TMC4: variants seen among roughly 807,000 people sequenced by gnomAD.
The protein encoded by TMC4 is voltage-gated chloride channel TMC4.
Under a neutral mutation model 82.0 loss-of-function variants are expected in TMC4, and 70 were observed. That is an observed-to-expected ratio of 0.85 (90% CI 0.70 to 1.04). The LOEUF (loss-of-function observed/expected upper bound fraction) is 1.04. TMC4 is among the 50% of genes least tolerant of loss of function. The pLI is 0.00. For synonymous variants in TMC4, 446 were observed against 406.0 expected, an observed-to-expected ratio of 1.10 and a Z score of -1.18; for missense variants, 879 against 899.0, an observed-to-expected ratio of 0.98 and a Z score of 0.28.
At chr19:54,164,882 C>A (rs2075662607) in intron 6 of TMC4, among the ~76,000 whole-genome samples, 1 of 151,974 alleles carries the variant, frequency 6.6e-6, no homozygotes, top group Non-Finnish European at 1.5e-5. Context: ...CCCAGCATCC[C>A]AAGACCCGCC....
rs770903211 is a variant in TMC4 at position 54,161,222 on chromosome 19, G to A, written c.1725C>T (p.Thr575=). ...LFSTCSPAAR[T]FRASAANFFF... ...AGAAATTCGCCGCGGAGGCCCGGAAGGTGCGGGCAGCCGGGGAGCAGGTGG... is the reference window on the plus strand; with the variant it reads ...AGAAATTCGCCGCGGAGGCCCGGAAAGTGCGGGCAGCCGGGGAGCAGGTGG... Residue 575 remains threonine (T), a synonymous_variant, in exon 12 of 15, where the codon ACC becomes ACT. Transcript: ENST00000619895. 3 of 1,577,976 alleles carry A rather than the reference G, an allele frequency of 1.9e-6. No homozygotes were observed. The South Asian group carries it at 3.5e-5, about 18-fold the overall frequency.
rs926359257 is a variant in TMC4, at chr19:54,163,803, C to G, written c.1198G>C (p.Val400Leu). Reference sequence around the variant, plus strand: ...ATGAGCTTGAACACGGGCGGCAGCACAAAATTGACCCCAGCGATGAAGATG... The same window carrying G: ...ATGAGCTTGAACACGGGCGGCAGCAGAAAATTGACCCCAGCGATGAAGATG... ...PSIFIAGVNF[V>L]LPPVFKLIAP... Residue 400 changes from valine (V) to leucine (L), a missense_variant, in exon 8 of 15, where the codon GTG becomes CTG. Val to Leu is a conservative substitution (Grantham distance 32). Transcript: ENST00000619895. The G allele has an allele frequency of 6.2e-7, 1 of 1,613,976 alleles. No homozygotes were observed. Among genetic ancestry groups the G allele is most frequent in the Non-Finnish European group, 8.5e-7 (1 of 1,180,012 alleles).
At chr19:54,168,890 TC>T (rs2075795935) in intron 3 of TMC4, among the ~76,000 whole-genome samples, 6 of 39,758 alleles carry the variant, frequency 1.5e-4, no homozygotes, top group Admixed American at 3.4e-4. Context: ...TTCTTTTCTT[TC>T]TTTCCTTTCT....
chr19:54,168,206 G>A lies in TMC4; in HGVS notation c.762C>T (p.Ala254=), dbSNP rs750653289. 1.4e-5 allele frequency: 23 copies of A among 1,599,816 alleles called. No homozygotes were observed. The African/African-American group carries it at 1.5e-4, about 10-fold the overall frequency. ...TGAGCAGGAGGCAGATGAGGCCAAC[G>A]GCAAAGGCCCAGCACAGGTAGGTGA... is the stretch of plus-strand genomic sequence containing the variant. ...LAVTYLCWAF[A]VGLICLLLIL... is the part of the protein sequence containing the mutation. The change falls in exon 5 of 15, where the codon GCC becomes GCT. Residue 254 remains alanine (A), a synonymous_variant. Coordinates refer to ENST00000619895, the MANE Select transcript of TMC4 (RefSeq NM_144686.4).
At chr19:54,167,146 C>G (rs955812119) in intron 5 of TMC4, among the ~76,000 whole-genome samples, 1 of 152,020 alleles carries the variant, frequency 6.6e-6, no homozygotes, top group Non-Finnish European at 1.5e-5. Flanking sequence ...CCCTGTGGTC[C>G]CAGCTGCTCC....
chr19:54,172,636 C>G, intron 1 of TMC4: 2 of 281,768 alleles, frequency 7.1e-6, no homozygotes, highest in Non-Finnish European at 1.3e-5. Flanking sequence ...CCCAGGAGTC[C>G]GGGTGCCAGC....
At chr19:54,162,601 G>C in intron 10 of TMC4, 72 bp downstream of exon 10, 1 of 1,272,370 alleles carries the variant, frequency 7.9e-7, no homozygotes, top group Non-Finnish European at 1.1e-6. Context: ...GGTGCGCGGT[G>C]AAAAGAACAG....
At position 54,173,056 on chromosome 19, in the gene TMC4, G is replaced by A. The variant is rs2075952648; in HGVS notation, c.62C>T (p.Pro21Leu). The change falls in exon 1 of 15, where the codon CCC becomes CTC. Residue 21 changes from proline to leucine, a missense_variant. Transcript: ENST00000619895. ...AWGSSREWLAPREARGGPSLS... is the reference protein window; with the variant it reads ...AWGSSREWLALREARGGPSLS... ...TTCCCTACCTCCTCTGGCCTCCCGG[G>A]GGGCCAGCCACTCCCTAGAGGAGCC... 2 of 1,613,506 alleles carry A rather than the reference G, an allele frequency of 1.2e-6. No homozygotes were observed. The highest frequency in any genetic ancestry group is 2.2e-5 in the East Asian group (1 of 44,806).
At chr19:54,163,334 A>G in intron 8 of TMC4, 175 bp from the exon 9 acceptor site, 1 of 783,594 alleles carries the variant, frequency 1.3e-6, no homozygotes, top group African/African-American at 2.1e-5. Context: ...TTTTTGAGAC[A>G]GGGTCTCACT....
At chr19:54,162,427 G>T (rs1028657218) in intron 10 of TMC4, 142 bp from the exon 11 acceptor site, 1 of 714,902 alleles carries the variant, frequency 1.4e-6, no homozygotes, top group Non-Finnish European at 2.3e-6. Context: ...ACTCCACGTG[G>T]AGGGGGTGTG....
chr19:54,161,046 C>G lies in TMC4; in HGVS notation c.1818-13G>C, dbSNP rs754010167. 4 of 1,613,962 alleles carry G rather than the reference C, an allele frequency of 2.5e-6. No homozygotes were observed. Among genetic ancestry groups the G allele is most frequent in the Middle Eastern group, 1.7e-4 (1 of 6,060 alleles). On this transcript the variant is annotated splice_polypyrimidine_tract_variant and intron_variant, in intron 12 of 14. Transcript: ENST00000619895. ...AGAAGGCGGGATCCTGAAGTCAAGA[C>G]AGGCTGGGCTCACATAGTGCCAGGA...
At position 54,169,599 on chromosome 19, in the gene TMC4, C is replaced by T. The variant is rs1224934522; in HGVS notation, c.355G>A (p.Ala119Thr). 1.2e-6 allele frequency: 2 copies of T among 1,614,040 alleles called. No homozygotes were observed. Among genetic ancestry groups the T allele is most frequent in the East Asian group, 2.2e-5 (1 of 44,866 alleles). ...YGSGTKTDRW[A>T]RLLRRSKEKT... ...TCCTTGGACCTCCGAAGTAGCCGCG[C>T]CCATCGGTCCGTCTTAGTTCCAGAG... Residue 119 changes from alanine (A) to threonine (T), a missense_variant, in exon 3 of 15, where the codon GCG (alanine) becomes ACG (threonine). Ala to Thr is a moderately conservative substitution (Grantham distance 58). Coordinates refer to ENST00000619895, the MANE Select transcript of TMC4 (RefSeq NM_144686.4).
Position 54,162,260 on chromosome 19 carries a change from C to G in TMC4, c.1528G>C (p.Ala510Pro). ...TGGGTCCCCGCCAGACGACCCAGCG[C>G]CCCAGGACAGAGGCCACAGAGGAGC... ...RKLLCGLCPG[A>P]LGRLAGTQEF... is the part of the protein sequence containing the mutation. Residue 510 changes from alanine to proline, a missense_variant, in exon 11 of 15, where the codon GCG (alanine) becomes CCG (proline). By Grantham distance (27) the Ala-to-Pro change is conservative. Coordinates refer to ENST00000619895, the MANE Select transcript of TMC4 (RefSeq NM_144686.4). 1.2e-6 allele frequency: 2 copies of G among 1,601,762 alleles called. No individual in the cohort carries two copies. Among genetic ancestry groups the G allele is most frequent in the Non-Finnish European group, 1.7e-6 (2 of 1,175,064 alleles).
intron 1 of TMC4, among the ~76,000 whole-genome samples, chr19:54,172,422 CCGGCGCCTCCTCCCT>C (rs2075924713): frequency 1.2e-5 from 1 of 84,138 alleles, no homozygotes; most frequent in Non-Finnish European, 2.7e-5. Flanking sequence ...GAACAGGCCC[CCGGCGCCTCCTCCCT>C]CAGACCCAGG....
chr19:54,164,800 G>T, intron 6 of TMC4, 199 bp from the exon 7 acceptor site: 1 of 683,472 alleles, frequency 1.5e-6, no homozygotes. Context: ...CTTCGCGGCC[G>T]GATCCAGCAA....
At chr19:54,163,977 C>CTTTTTT (rs66823569) in intron 7 of TMC4, 90 bp from the exon 8 acceptor site, 169 of 1,020,042 alleles carry the variant, frequency 1.7e-4, no homozygotes, top group East Asian at 1.5e-3. Context: ...TCTTCTTCTT[C>CTTTTTT]TTTTTTTTTT....
rs1053678658 is a variant in TMC4 at position 54,160,774 on chromosome 19, A to G, written c.1973+104T>C. 7.5e-6 allele frequency: 11 copies of G among 1,474,460 alleles called. No individual in the cohort carries two copies. The African/African-American group carries it at 8.5e-5, about 11-fold the overall frequency. The allele number at this position is 1,474,460 out of a possible 1,614,324, so 91.3% of individuals were successfully genotyped here. ...CTAGGCCTCCTCCCTCAGACTCAGT[A>G]CGTTGCCTGCTCCCACGCCCAAGCC... On this transcript the variant is annotated intron_variant, in intron 13 of 14. Transcript: ENST00000619895.
chr19:54,170,607 GTTTGTTTTAT>G (rs1339808184), intron 2 of TMC4, among the ~76,000 whole-genome samples: 13 of 104,286 alleles, frequency 1.2e-4, no homozygotes, highest in South Asian at 8.1e-4. Context: ...ATCCTCCTGT[GTTTGTTTTAT>G]TTTATTTTAT....
intron 2 of TMC4, among the ~76,000 whole-genome samples, chr19:54,170,840 C>T (rs188201001): frequency 5.3e-5 from 8 of 151,934 alleles, no homozygotes; most frequent in African/African-American, 1.4e-4. Flanking sequence ...TTATAACACC[C>T]GGTACAAGGT....
Sources: allele counts gnomAD v4.1 joint callset (sites outside exome capture counted in the v4.1 genomes callset), GRCh38; gene constraint gnomAD v4.1.1; transcripts MANE v1.5; gene names NCBI Gene and HGNC (gene_info 2026-07-23, HGNC 2026-07-21).